The following SGCG variants were observed in gnomAD, a reference collection of about 807,000 sequenced individuals.
SGCG encodes gamma-sarcoglycan.
A neutral mutation model predicts 29.3 loss-of-function variants in SGCG; 26 were observed. The ratio of observed to expected loss-of-function variants is 0.89; its 90% CI spans 0.65 to 1.23. The LOEUF (loss-of-function observed/expected upper bound fraction) is 1.23. SGCG is among the 50% of genes most tolerant of loss of function. The pLI is 0.00. For missense variants in SGCG, 353 were observed against 356.0 expected (o/e 0.99, Z 0.07); for synonymous variants, 145 against 129.7 (o/e 1.12, Z -0.80).
chr13:23,314,439 A>G (rs912742612), intron 6 of SGCG, among the ~76,000 whole-genome samples: 2 of 118,974 alleles, frequency 1.7e-5, no homozygotes, highest in Non-Finnish European at 3.5e-5. Context: ...AGATATGTAT[A>G]TAAGATATAT....
intron 5 of SGCG, among the ~76,000 whole-genome samples, chr13:23,291,841 T>C (rs189605297): frequency 6.6e-6 from 1 of 152,318 alleles, no homozygotes; most frequent in African/African-American, 2.4e-5. Context: ...TTATATGAAA[T>C]GGGTCATTTT....
intron 1 of SGCG, among the ~76,000 whole-genome samples, chr13:23,185,671 T>C (rs1474442085): frequency 6.6e-6 from 1 of 152,190 alleles, no homozygotes; most frequent in Non-Finnish European, 1.5e-5. Flanking sequence ...CAAATAGTAC[T>C]GTAGCTGCCA....
rs984652095 is a variant in SGCG at position 23,272,348 on chromosome 13, G to A, written c.386-7011G>A. Among the ~76,000 whole-genome samples the A allele has an allele frequency of 2.6e-5, 4 of 152,102 alleles. 1 individual carries two copies. The highest frequency in any genetic ancestry group is 2.6e-4 in the Admixed American group (4 of 15,284). ...TCCCTCAATGCCTATTTTCTAGAAT[G>A]TTCATTGATCATAAATGTGTGCTGA... On this transcript the variant is annotated intron_variant, in intron 4 of 7. Coordinates refer to ENST00000218867, the MANE Select transcript of SGCG (RefSeq NM_000231.3).
intron 4 of SGCG, among the ~76,000 whole-genome samples, chr13:23,259,047 T>C (rs962195953): frequency 4.6e-5 from 7 of 152,314 alleles, no homozygotes; most frequent in African/African-American, 1.4e-4. Context: ...ATCAGGATGA[T>C]GTTGGCCTCA....
At chr13:23,296,676 TAC>T (rs1881922759) in intron 6 of SGCG, among the ~76,000 whole-genome samples, 5 of 152,204 alleles carry the variant, frequency 3.3e-5, no homozygotes. Flanking sequence ...AGCGAAATAA[TAC>T]AGTTTTTTCC....
intron 5 of SGCG, 113 bp downstream of exon 5, chr13:23,279,591 ATG>A (rs1881223857): frequency 1.9e-6 from 2 of 1,065,598 alleles, no homozygotes; most frequent in South Asian, 2.7e-5. Flanking sequence ...GAGAGTTTGA[ATG>A]TGTTGCATTT....
chr13:23,243,120 TGCTCTGTCAATTAAAAGA>T (rs1879569981), intron 3 of SGCG, among the ~76,000 whole-genome samples: 1 of 152,208 alleles, frequency 6.6e-6, no homozygotes, highest in South Asian at 2.1e-4. Flanking sequence ...GAGTCAATTC[TGCTCTGTCAATTAAAAGA>T]GCTTTACCGT....
chr13:23,284,247 A>C (rs2137625796), intron 5 of SGCG, among the ~76,000 whole-genome samples: 1 of 152,306 alleles, frequency 6.6e-6, no homozygotes, highest in Non-Finnish European at 1.5e-5. Flanking sequence ...TACACCAATC[A>C]AATGTAAGTT....
the SGCG span, among the ~76,000 whole-genome samples, chr13:23,162,894 G>T: frequency 5.3e-5 from 8 of 151,940 alleles, no homozygotes; most frequent in East Asian, 1.5e-3. Flanking sequence ...TCCTACAAGA[G>T]ACCTTATTGT....
intron 1 of SGCG, among the ~76,000 whole-genome samples, chr13:23,184,726 G>A (rs899890231): frequency 6.6e-6 from 1 of 152,092 alleles, no homozygotes; most frequent in African/African-American, 2.4e-5. Flanking sequence ...CTTGGCCTCA[G>A]CCCACACCTT....
At chr13:23,224,144 A>C (rs1878797665) in intron 2 of SGCG, among the ~76,000 whole-genome samples, 1 of 152,144 alleles carries the variant, frequency 6.6e-6, no homozygotes, top group Non-Finnish European at 1.5e-5. Flanking sequence ...GCTGTTTCTG[A>C]GTCAGTCTAT....
chr13:23,324,304 G>T lies in SGCG; in HGVS notation c.703-64G>T, dbSNP rs563054316. 55 of 1,466,184 alleles carry T rather than the reference G, an allele frequency of 3.8e-5. No homozygotes were observed. In the African/African-American group the frequency reaches 6.8e-4, roughly 18 times the overall value. The allele number at this position is 1,466,184 out of a possible 1,614,324, so 90.8% of individuals were successfully genotyped here. ...ACTAATTGGAAATCTTGTGAGAATGGGGATTTGCTGCTGACCAGGGTGGCC... is the reference window on the plus strand; with the variant it reads ...ACTAATTGGAAATCTTGTGAGAATGTGGATTTGCTGCTGACCAGGGTGGCC... On this transcript the variant is annotated intron_variant, in intron 7 of 7. Transcript: ENST00000218867.
chr13:23,272,996 A>G (rs550747305), intron 4 of SGCG, among the ~76,000 whole-genome samples: 3 of 152,156 alleles, frequency 2.0e-5, no homozygotes, highest in African/African-American at 4.8e-5. Flanking sequence ...TCTCATTTTT[A>G]TCAACTTAGC....
At chr13:23,200,670 G>T (rs1877707796) in intron 1 of SGCG, among the ~76,000 whole-genome samples, 1 of 152,106 alleles carries the variant, frequency 6.6e-6, no homozygotes, top group Admixed American at 6.5e-5. Flanking sequence ...TGCTACAGAA[G>T]AAAAAATGTC....
chr13:23,318,805 GGT>G (rs1365628963), intron 6 of SGCG, among the ~76,000 whole-genome samples: 1 of 152,098 alleles, frequency 6.6e-6, no homozygotes, highest in Non-Finnish European at 1.5e-5. Flanking sequence ...ATTATAACAT[GGT>G]TAAAAACTAG....
intron 6 of SGCG, among the ~76,000 whole-genome samples, chr13:23,315,959 C>T (rs964866908): frequency 6.6e-6 from 1 of 152,192 alleles, no homozygotes; most frequent in African/African-American, 2.4e-5. Context: ...TCTGAGGACA[C>T]TACTCAGTCT....
At chr13:23,197,592 T>G (rs1877562889) in intron 1 of SGCG, among the ~76,000 whole-genome samples, 1 of 152,208 alleles carries the variant, frequency 6.6e-6, no homozygotes, top group Admixed American at 6.5e-5. Flanking sequence ...TGGCTTACTC[T>G]CTTATCTGAC....
At chr13:23,180,228 T>C (rs1351132543), upstream of SGCG, among the ~76,000 whole-genome samples, 2 of 152,198 alleles carry the variant, frequency 1.3e-5, no homozygotes, top group Non-Finnish European at 2.9e-5. Flanking sequence ...ATTCAGAAGT[T>C]CGATATTTAT....
chr13:23,248,730 T>A (rs80315998), intron 3 of SGCG, among the ~76,000 whole-genome samples: 1 of 136,528 alleles, frequency 7.3e-6, no homozygotes, highest in Non-Finnish European at 1.6e-5. Context: ...CGGTGGCTGA[T>A]GCCTGTAATC....
Sources: allele counts gnomAD v4.1 joint callset (sites outside exome capture counted in the v4.1 genomes callset), GRCh38; gene constraint gnomAD v4.1.1; transcripts MANE v1.5; gene names NCBI Gene and HGNC (gene_info 2026-07-23, HGNC 2026-07-21).